The following FAM83A variants were observed in gnomAD, a reference collection of about 807,000 sequenced individuals.
FAM83A encodes the protein scaffolding CK1 anchoring protein A.
FAM83A carries 21 observed loss-of-function variants against 24.4 expected under a neutral mutation model. That is an observed-to-expected ratio of 0.86 (90% CI 0.61 to 1.24). FAM83A has a LOEUF of 1.24. Among genes scored for constraint, FAM83A ranks in the 50% most tolerant of loss-of-function variants. FAM83A has a pLI of 0.00. For missense variants in FAM83A, 617 were observed against 579.8 expected, an observed-to-expected ratio of 1.06 and a Z score of -0.66; for synonymous variants, 270 against 252.4, an observed-to-expected ratio of 1.07 and a Z score of -0.66.
rs200761454 is a variant in FAM83A at position 123,197,555 on chromosome 8, T to A, written c.773+3407T>A. Among the ~76,000 whole-genome samples the A allele has an allele frequency of 3.8e-4, 58 of 152,330 alleles. No individual in the cohort carries two copies. In the East Asian group the frequency reaches 0.011, roughly 28 times the overall value. On this transcript the variant is annotated intron_variant, in intron 3 of 3. Coordinates refer to ENST00000690554, the Ensembl canonical transcript of FAM83A. ...TGGACAGGATGGACCACAGTTGGTTTATCTGGTCACCAATCAATAGACATT... is the reference window on the plus strand; with the variant it reads ...TGGACAGGATGGACCACAGTTGGTTAATCTGGTCACCAATCAATAGACATT...
intron 1 of FAM83A, among the ~76,000 whole-genome samples, chr8:123,185,692 C>T (rs1264527650): frequency 4.6e-5 from 7 of 152,174 alleles, no homozygotes; most frequent in African/African-American, 7.2e-5. Context: ...GGGGTTCACC[C>T]GTTTGGGTGT....
upstream of FAM83A, chr8:123,182,340 T>TC (rs35511175): frequency 1.1e-5 from 4 of 354,172 alleles, no homozygotes; most frequent in African/African-American, 2.1e-5. Context: ...ATGGCATCTT[T>TC]CCCCCCCACA....
upstream of FAM83A, chr8:123,181,822 A>C: frequency 3.0e-6 from 1 of 332,568 alleles, no homozygotes; most frequent in Middle Eastern, 5.8e-4. Flanking sequence ...TTCTCTCTGT[A>C]CTTCTCAGAA....
intron 2 of FAM83A, 93 bp from the exon 3 acceptor site, chr8:123,193,931 G>A (rs1296837182): frequency 6.7e-7 from 1 of 1,491,800 alleles, no homozygotes; most frequent in African/African-American, 1.4e-5. Flanking sequence ...AACACAGAAT[G>A]GGGGTAAAGG....
chr8:123,204,227 A>G (rs1037826780), intron 3 of FAM83A, among the ~76,000 whole-genome samples: 10 of 152,158 alleles, frequency 6.6e-5, no homozygotes, highest in Admixed American at 2.0e-4. Context: ...AGTCTGGGCA[A>G]CATAGCAAGA....
At chr8:123,190,318 G>A (rs1823929478) in intron 1 of FAM83A, among the ~76,000 whole-genome samples, 1 of 152,136 alleles carries the variant, frequency 6.6e-6, no homozygotes. Context: ...CTGGAGTGCA[G>A]TGGTGCGATC....
chr8:123,182,336 T>A (rs1300551683), upstream of FAM83A: 1 of 354,080 alleles, frequency 2.8e-6, no homozygotes, highest in Admixed American at 3.7e-5. Flanking sequence ...AGGGATGGCA[T>A]CTTTCCCCCC....
chr8:123,183,527 C>T (rs1481529852), intron 1 of FAM83A, among the ~76,000 whole-genome samples, 191 bp downstream of exon 1: 1 of 152,124 alleles, frequency 6.6e-6, no homozygotes, highest in Non-Finnish European at 1.5e-5. Context: ...CAGCCAGGGT[C>T]CAGGCCACCA....
chr8:123,206,033 C>T (rs1563790012), intron 3 of FAM83A, among the ~76,000 whole-genome samples: 1 of 151,568 alleles, frequency 6.6e-6, no homozygotes, highest in Non-Finnish European at 1.5e-5. Flanking sequence ...ATCCCAGCTA[C>T]TTGGGAGGTT....
At position 123,183,097 on chromosome 8, in the gene FAM83A, C is replaced by G. The variant is rs200620269; in HGVS notation, c.241C>G (p.Pro81Ala). 1.7e-5 allele frequency: 28 copies of G among 1,613,920 alleles called. No homozygotes were observed. In the East Asian group the frequency reaches 6.2e-4, roughly 36 times the overall value. Residue 81 changes from proline to alanine, a missense_variant, in exon 1 of 4, where the codon CCC becomes GCC. By Grantham distance (27) the Pro-to-Ala change is conservative. Coordinates refer to ENST00000690554, the Ensembl canonical transcript of FAM83A. ...GGCCCAGGCCAGGGAGCCCCCGTGTCCCCCAGACACCCTGGGAGGGGCGGA... is the reference window on the plus strand; with the variant it reads ...GGCCCAGGCCAGGGAGCCCCCGTGTGCCCCAGACACCCTGGGAGGGGCGGA...
intron 1 of FAM83A, 81 bp from the exon 2 acceptor site, chr8:123,191,722 T>C: frequency 6.7e-7 from 1 of 1,494,874 alleles, no homozygotes; most frequent in Non-Finnish European, 9.2e-7. Flanking sequence ...CCAGGCCCAC[T>C]GGGACTCAGG....
chr8:123,207,584 C>T (rs1299915932), exon 4 of FAM83A: 1 of 1,575,246 alleles, frequency 6.3e-7, no homozygotes. Context: ...CTACAGCAAC[C>T]TGGGGGCCTA....
intron 3 of FAM83A, among the ~76,000 whole-genome samples, chr8:123,197,851 C>T (rs775222824): frequency 1.4e-4 from 22 of 152,126 alleles, no homozygotes; most frequent in Non-Finnish European, 2.8e-4. Context: ...TGATCTGGGC[C>T]GGGTGCAGTG....
rs565405274 is a variant in FAM83A, at chr8:123,209,447, A to G, written c.*1759A>G. ...TTAGTTCCTGAAAGTAAACAAAACA[A>G]AACAAAAACAAAAAAACAAACAACA... On this transcript the variant is annotated 3_prime_UTR_variant, in exon 4 of 4. Coordinates refer to ENST00000690554, the Ensembl canonical transcript of FAM83A. This position sits in a 1 kb window ranked among gnomAD's most constrained non-coding sequence, Gnocchi z 4.7. 3 of 1,614,116 alleles carry G rather than the reference A, an allele frequency of 1.9e-6. No homozygotes were observed. Among genetic ancestry groups the G allele is most frequent in the African/African-American group, 1.3e-5 (1 of 75,022 alleles).
exon 4 of FAM83A, chr8:123,207,261 C>T (rs1032485513): frequency 6.2e-7 from 1 of 1,612,916 alleles, no homozygotes; most frequent in Admixed American, 1.7e-5. Context: ...TACGCCTCCT[C>T]CAAGCCTGTG....
chr8:123,203,736 A>G (rs1235806078), intron 3 of FAM83A, among the ~76,000 whole-genome samples: 1 of 152,054 alleles, frequency 6.6e-6, no homozygotes, highest in Non-Finnish European at 1.5e-5. Flanking sequence ...AGAGCACAAG[A>G]GCACAGCAGA....
At chr8:123,207,734 C>A (rs866802911) in exon 4 of FAM83A, 1 of 1,418,208 alleles carries the variant, frequency 7.1e-7, no homozygotes, top group Middle Eastern at 2.4e-4. Context: ...GCTGGGCACT[C>A]CCTGAGACCC....
rs940905187 is a variant in FAM83A, at chr8:123,182,976, C to T, written c.120C>T (p.Asp40=). 5.0e-6 allele frequency: 8 copies of T among 1,611,288 alleles called. No homozygotes were observed. In the East Asian group the frequency reaches 6.7e-5, roughly 13 times the overall value. ...ACGAGAGTGCCCGGCTGGCCACGGA[C>T]GCCCTCTTGGATGGGGGTTCTGAAG... The change falls in exon 1 of 4, where the codon GAC becomes GAT. Residue 40 remains aspartate (D), a synonymous_variant. Transcript: ENST00000690554.
upstream of FAM83A, chr8:123,179,062 A>C (rs943810916): frequency 2.0e-5 from 3 of 152,200 alleles, no homozygotes; most frequent in African/African-American, 7.2e-5. Context: ...CTTGGAGAAC[A>C]GTCACTTCCT....
Sources: gnomAD v4.1 joint callset for allele counts (sites outside exome capture counted in the v4.1 genomes callset) on GRCh38, gnomAD v4.1.1 for gene constraint, Gnocchi (gnomAD v3.1) non-coding constraint, MANE v1.5 for transcripts, NCBI Gene and HGNC (gene_info 2026-07-23, HGNC 2026-07-21) for gene names.